The following PICALM variants were observed in gnomAD, a reference collection of about 807,000 sequenced individuals.
PICALM encodes the protein phosphatidylinositol binding clathrin assembly protein.
In PICALM, 40 loss-of-function variants were observed where a neutral mutation model predicts 80.5. The ratio of observed to expected loss-of-function variants is 0.50; its 90% CI spans 0.39 to 0.65. The LOEUF is 0.65. Ranked by LOEUF, PICALM falls within the 30% of genes least tolerant of loss-of-function variation. PICALM has a pLI of 0.00. For synonymous variants in PICALM, 288 were observed against 260.3 expected, an observed-to-expected ratio of 1.11 and a Z score of -1.02; for missense variants, 676 against 778.9, an observed-to-expected ratio of 0.87 and a Z score of 1.57.
intron 9 of PICALM, 94 bp from the exon 10 acceptor site, chr11:86,001,252 G>T: frequency 8.8e-7 from 1 of 1,141,596 alleles, no homozygotes; most frequent in Non-Finnish European, 1.3e-6. Context: ...GCCATGGATA[G>T]GCACTATAAT....
At chr11:85,970,262 C>T (rs1400166630) in intron 19 of PICALM, among the ~76,000 whole-genome samples, 1 of 152,076 alleles carries the variant, frequency 6.6e-6, no homozygotes, top group African/African-American at 2.4e-5. Flanking sequence ...TTCCAGATCT[C>T]ATAAGGATGT....
chr11:86,031,444 C>T, intron 2 of PICALM, 25 bp downstream of exon 2: 2 of 1,587,344 alleles, frequency 1.3e-6, no homozygotes, highest in Non-Finnish European at 1.7e-6. Context: ...CATCAGTATA[C>T]TTGTTCAATA....
chr11:86,036,536 G>A (rs537002106), intron 1 of PICALM, among the ~76,000 whole-genome samples: 4 of 152,280 alleles, frequency 2.6e-5, no homozygotes, highest in Non-Finnish European at 2.9e-5. Flanking sequence ...ACAGAATATG[G>A]AACGCTGAGT....
chr11:86,065,343 G>A (rs1476863375), intron 1 of PICALM, among the ~76,000 whole-genome samples: 1 of 151,972 alleles, frequency 6.6e-6, no homozygotes, highest in East Asian at 1.9e-4. Flanking sequence ...CTACTCAAGA[G>A]GCTGAGGCAG....
chr11:86,008,950 GCCA>G (rs1428004214), intron 7 of PICALM, among the ~76,000 whole-genome samples: 1 of 34,366 alleles, frequency 2.9e-5, no homozygotes, highest in South Asian at 9.6e-4. Context: ...AAAAAAAAAA[GCCA>G]AAAAAAAAAA....
chr11:86,033,139 T>C lies in PICALM; in HGVS notation c.131-1528A>G, dbSNP rs139979868. ...AAAATGGAATTTAATCTCTGCCTTC[T>C]CTAGATCTTCATAGCACTTTATAAC... On this transcript the variant is annotated intron_variant, in intron 1 of 19. Coordinates refer to ENST00000393346, the MANE Select transcript of PICALM (RefSeq NM_007166.4). Among the ~76,000 whole-genome samples, 369 of 152,310 alleles carry C rather than the reference T, an allele frequency of 2.4e-3. 4 individuals are homozygous for C. The South Asian group carries it at 0.025, about 10-fold the overall frequency.
chr11:86,055,977 A>G (rs583126), intron 1 of PICALM, among the ~76,000 whole-genome samples: 90,351 of 150,846 alleles, frequency 0.6, 27,261 homozygotes, highest in East Asian at 0.67. Flanking sequence ...CTCTACTAAA[A>G]ATACAAAAAC....
At chr11:86,039,162 T>C (rs2095901124) in intron 1 of PICALM, among the ~76,000 whole-genome samples, 1 of 149,892 alleles carries the variant, frequency 6.7e-6, no homozygotes, top group African/African-American at 2.5e-5. Context: ...TTAGCACAAC[T>C]AGATATGCTA....
Position 86,069,045 on chromosome 11 carries a change from C to G in PICALM, c.-265G>C, listed in dbSNP as rs2096486557. On this transcript the variant is annotated 5_prime_UTR_variant, in exon 1 of 20. Transcript: ENST00000393346. ...CACCCCTTCCCGGGTCAGCTGGAGC[C>G]GGGCAGGGTAAGAGGAACAGGCAGC... 2.3e-6 allele frequency: 1 copy of G among 441,846 alleles called. No individual in the cohort carries two copies. Among genetic ancestry groups the G allele is most frequent in the Non-Finnish European group, 4.1e-6 (1 of 244,534 alleles). 27.4% of individuals were successfully genotyped at this position (441,846 alleles called of 1,614,324 possible).
chr11:85,996,903 A>C lies in PICALM; in HGVS notation c.1181T>G (p.Leu394Arg). The stretch of plus-strand genomic sequence containing the variant: ...GTGAAAAGTTGGCTGCTGCAAATCA[A>C]GCAGATCATTGGGCAGCTTTGATGT... ...NSTSKLPNDLLDLQQPTFHPS... is the reference protein window; with the variant it reads ...NSTSKLPNDLRDLQQPTFHPS... Residue 394 changes from leucine to arginine, a missense_variant, in exon 12 of 20, where the codon CTT becomes CGT. This residue lies in a region of PICALM where 391 missense variants were observed against 383.6 expected (regional missense o/e 1.02). Coordinates refer to ENST00000393346, the MANE Select transcript of PICALM (RefSeq NM_007166.4). 1.2e-6 allele frequency: 2 copies of C among 1,612,980 alleles called. No individual in the cohort carries two copies. Among genetic ancestry groups the C allele is most frequent in the Non-Finnish European group, 1.7e-6 (2 of 1,179,326 alleles).
In PICALM at chr11:86,003,449, G is replaced by T; in HGVS notation, c.810C>A (p.Ala270=). Residue 270 remains alanine, a splice_region_variant and synonymous_variant, in exon 9 of 20, where the codon GCC becomes GCA. Transcript: ENST00000393346. ...CCAAAGCATCAAGAAGACTGCTAGG[G>T]GCCTGCAATTGTACAAATATTAAGA... ...DRGDIPDLSQ[A]PSSLLDALEQ... is the part of the protein sequence containing the mutation. The T allele has an allele frequency of 6.4e-7, 1 of 1,564,250 alleles. No homozygotes were observed. Among genetic ancestry groups the T allele is most frequent in the Non-Finnish European group, 8.7e-7 (1 of 1,146,348 alleles).
intron 19 of PICALM, among the ~76,000 whole-genome samples, chr11:85,970,932 CTA>C (rs1414630310): frequency 3.9e-5 from 6 of 152,164 alleles, no homozygotes; most frequent in African/African-American, 1.4e-4. Context: ...ACATGAGTGA[CTA>C]TTGCAAAACA....
intron 7 of PICALM, among the ~76,000 whole-genome samples, chr11:86,007,908 A>C (rs2136216474): frequency 6.6e-6 from 1 of 152,160 alleles, no homozygotes; most frequent in Middle Eastern, 3.4e-3. Context: ...TGATAAAAAC[A>C]CTATGGTAAG....
At chr11:86,034,787 A>G (rs1338233127) in intron 1 of PICALM, among the ~76,000 whole-genome samples, 1 of 152,224 alleles carries the variant, frequency 6.6e-6, no homozygotes, top group East Asian at 1.9e-4. Context: ...CATAGAAATG[A>G]CAATCACTTT....
intron 7 of PICALM, among the ~76,000 whole-genome samples, chr11:86,008,952 C>A (rs946575381): frequency 0.084 from 5,277 of 62,544 alleles, 380 homozygotes; most frequent in African/African-American, 0.26. Flanking sequence ...AAAAAAAAGC[C>A]AAAAAAAAAA....
At chr11:86,009,946 A>G (rs1273122234) in intron 7 of PICALM, among the ~76,000 whole-genome samples, 1 of 152,212 alleles carries the variant, frequency 6.6e-6, no homozygotes, top group Non-Finnish European at 1.5e-5. Context: ...ACTAATAACA[A>G]AGCTATTGTT....
intron 19 of PICALM, among the ~76,000 whole-genome samples, chr11:85,968,664 T>C (rs1043604829): frequency 1.2e-4 from 19 of 152,164 alleles, no homozygotes; most frequent in African/African-American, 4.6e-4. Flanking sequence ...CATTTCAATT[T>C]ATGTAAAGCA....
In PICALM at chr11:85,976,690, AGT is replaced by A. The variant is rs1284815403; in HGVS notation, c.1780-10_1780-9del. 6.4e-7 allele frequency: 1 copy of A among 1,553,006 alleles called. No individual in the cohort carries two copies. Among genetic ancestry groups the A allele is most frequent in the East Asian group, 2.2e-5 (1 of 44,482 alleles). On this transcript the variant is annotated splice_polypyrimidine_tract_variant and intron_variant, in intron 17 of 19. Transcript: ENST00000393346. ...GGCCATTACAGGGGGTGCCTAACAT[AGT>A]GAAAGGAAAAATGAACAAGAAAGTA...
chr11:85,970,244 G>A (rs1332960020), intron 19 of PICALM, among the ~76,000 whole-genome samples: 1 of 152,082 alleles, frequency 6.6e-6, no homozygotes, highest in Non-Finnish European at 1.5e-5. Context: ...GCAGAATAAG[G>A]AAAAGAATTC....
Sources: allele counts gnomAD v4.1 joint callset (sites outside exome capture counted in the v4.1 genomes callset), GRCh38; gene constraint gnomAD v4.1.1; regional missense constraint gnomAD v4.1.1; transcripts MANE v1.5; gene names NCBI Gene and HGNC (gene_info 2026-07-23, HGNC 2026-07-21).